AFTPH: variants seen among roughly 807,000 people sequenced by gnomAD.
The protein encoded by AFTPH is aftiphilin.
Under a neutral mutation model 72.5 loss-of-function variants are expected in AFTPH, and 7 were observed. The observed-to-expected ratio is 0.10, with a 90% CI of 0.05 to 0.18. The LOEUF (loss-of-function observed/expected upper bound fraction) is 0.18, where lower values mean the gene tolerates loss of function less well. Among genes scored for constraint, AFTPH ranks in the 10% least tolerant of loss-of-function variants. The probability of loss-of-function intolerance (pLI) is 1.00; values close to 1 mark genes in which losing one functional copy is unlikely to be tolerated. For missense variants in AFTPH, 979 were observed against 1,060.5 expected (o/e 0.92, Z 1.07); for synonymous variants, 337 against 370.1 (o/e 0.91, Z 1.03).
intron 1 of AFTPH, among the ~76,000 whole-genome samples, chr2:64,534,370 A>C (rs1669777203): frequency 6.6e-6 from 1 of 152,098 alleles, no homozygotes. Context: ...TAATATCTTC[A>C]TTCAAAAAAA....
rs763853003 is a variant in AFTPH at position 64,552,268 on chromosome 2, A to G, written c.794A>G (p.Asn265Ser). 35 of 1,613,932 alleles carry G rather than the reference A, an allele frequency of 2.2e-5. No homozygotes were observed. In the South Asian group the frequency reaches 2.7e-4, roughly 13 times the overall value. The change falls in exon 2 of 9, where the codon AAT becomes AGT. Residue 265 changes from asparagine (N) to serine (S), a missense_variant. By Grantham distance (46) the Asn-to-Ser change is conservative. Transcript: ENST00000238856. ...GAAGCACTAACCATTCGGGAAAACAATAAAATTAATAGAGTCAATGAACTG... is the reference window on the plus strand; with the variant it reads ...GAAGCACTAACCATTCGGGAAAACAGTAAAATTAATAGAGTCAATGAACTG...
At chr2:64,536,424 G>C (rs1420071566) in intron 1 of AFTPH, among the ~76,000 whole-genome samples, 2 of 151,804 alleles carry the variant, frequency 1.3e-5, no homozygotes, top group African/African-American at 4.8e-5. Context: ...AAATTAGATG[G>C]GCATGGTAGC....
chr2:64,585,373 G>A (rs780814030), intron 7 of AFTPH, 49 bp from the exon 9 acceptor site: 1 of 1,609,002 alleles, frequency 6.2e-7, no homozygotes, highest in Non-Finnish European at 8.5e-7. Flanking sequence ...TGGCTAACTG[G>A]GTAACCCATT....
At chr2:64,589,957 G>A (rs1416607920) in intron 8 of AFTPH, among the ~76,000 whole-genome samples, 2 of 95,836 alleles carry the variant, frequency 2.1e-5, no homozygotes, top group Non-Finnish European at 4.3e-5. Context: ...GGGGGGGGGG[G>A]GGGTTTCCAC....
chr2:64,559,316 A>G (rs1671575150), intron 2 of AFTPH, among the ~76,000 whole-genome samples: 1 of 152,098 alleles, frequency 6.6e-6, no homozygotes, highest in African/African-American at 2.4e-5. Context: ...GTAGAAGTGG[A>G]GGTAGTAGAG....
At chr2:64,538,320 CT>C (rs1196941320) in intron 1 of AFTPH, among the ~76,000 whole-genome samples, 1 of 152,100 alleles carries the variant, frequency 6.6e-6, no homozygotes, top group East Asian at 1.9e-4. Context: ...AAAAGTAAAA[CT>C]TTAAACCAAG....
chr2:64,543,571 T>C (rs1670386235), intron 1 of AFTPH, among the ~76,000 whole-genome samples: 1 of 152,046 alleles, frequency 6.6e-6, no homozygotes, highest in Non-Finnish European at 1.5e-5. Flanking sequence ...GAATCAGATA[T>C]TTTTTTTCCT....
chr2:64,582,145 T>TAGAG (rs1673244790), intron 7 of AFTPH, among the ~76,000 whole-genome samples: 1 of 152,078 alleles, frequency 6.6e-6, no homozygotes, highest in African/African-American at 2.4e-5. Context: ...TGGGGTGCCG[T>TAGAG]AGAGATGCCC....
intron 6 of AFTPH, among the ~76,000 whole-genome samples, chr2:64,575,100 G>A (rs1382030324): frequency 6.8e-6 from 1 of 147,576 alleles, no homozygotes; most frequent in Non-Finnish European, 1.5e-5. Context: ...ATTGCTTATT[G>A]TATCAGTTAG....
At chr2:64,566,925 A>G (rs1425372410) in intron 2 of AFTPH, among the ~76,000 whole-genome samples, 2 of 152,224 alleles carry the variant, frequency 1.3e-5, no homozygotes, top group Non-Finnish European at 2.9e-5. Context: ...TTTCTAAAAG[A>G]TAATGCATAT....
At chr2:64,550,730 C>CACACACAA (rs1299044267) in intron 1 of AFTPH, among the ~76,000 whole-genome samples, 1 of 140,262 alleles carries the variant, frequency 7.1e-6, no homozygotes, top group Admixed American at 7.0e-5. Flanking sequence ...CACACACACA[C>CACACACAA]AACTGGTGAA....
chr2:64,524,479 C>T (rs1669125018), exon 1 of AFTPH: 2 of 401,142 alleles, frequency 5.0e-6, no homozygotes, highest in Non-Finnish European at 8.8e-6. Flanking sequence ...GGTGCTGCTG[C>T]GCTGACAGGG....
chr2:64,591,781 C>G (rs1673840018), intron 8 of AFTPH, 107 bp from the exon 10 acceptor site: 1 of 1,231,236 alleles, frequency 8.1e-7, no homozygotes, highest in Non-Finnish European at 1.1e-6. Flanking sequence ...AAAAAATACT[C>G]AAGTCCCCAC....
chr2:64,552,747 A>G lies in AFTPH; in HGVS notation c.1273A>G (p.Asn425Asp), dbSNP rs773507313. The G allele has an allele frequency of 3.1e-6, 5 of 1,614,080 alleles. No individual in the cohort carries two copies. The African/African-American group carries it at 4.0e-5, about 13-fold the overall frequency. Residue 425 changes from asparagine to aspartate, a missense_variant, in exon 2 of 9, where the codon AAT becomes GAT. Physicochemically the swap from Asn to Asp is conservative, Grantham distance 23. Around this residue, in one of 3 missense-constraint regions of AFTPH, gnomAD observed 498 missense variants for 467.6 expected, o/e 1.06. Transcript: ENST00000238856. Reference sequence around the variant, plus strand: ...TAGTAGTAATGACTTTGTGACTTGCAATGATATCAATGAAGATGATTTTGG... The same window carrying G: ...TAGTAGTAATGACTTTGTGACTTGCGATGATATCAATGAAGATGATTTTGG...
chr2:64,555,226 TTA>T (rs1671282330), intron 2 of AFTPH, among the ~76,000 whole-genome samples: 1 of 152,148 alleles, frequency 6.6e-6, no homozygotes, highest in South Asian at 2.1e-4. Context: ...ATTCTTTTTT[TTA>T]TAAAAATAAA....
At chr2:64,536,149 C>T (rs1669872270) in intron 1 of AFTPH, among the ~76,000 whole-genome samples, 1 of 152,024 alleles carries the variant, frequency 6.6e-6, no homozygotes, top group African/African-American at 2.4e-5. Flanking sequence ...TCTGAGACAT[C>T]CAGGTAGAGA....
chr2:64,524,389 C>G (rs948095657), exon 1 of AFTPH: 2 of 400,216 alleles, frequency 5.0e-6, no homozygotes, highest in Admixed American at 8.8e-5. Flanking sequence ...GTGGAGGAGG[C>G]GGCGGCGGCG....
intron 1 of AFTPH, among the ~76,000 whole-genome samples, chr2:64,533,829 C>A (rs1035322474): frequency 2.6e-5 from 4 of 152,048 alleles, no homozygotes; most frequent in Non-Finnish European, 5.9e-5. Flanking sequence ...CTAACAGATT[C>A]AATTTTTATG....
exon 9 of AFTPH, chr2:64,592,116 A>T (rs1433773170): frequency 2.0e-5 from 7 of 349,324 alleles, no homozygotes; most frequent in Admixed American, 1.7e-4. Context: ...TGCTCTAATT[A>T]AAAAAAAAAA....
Sources: allele counts gnomAD v4.1 joint callset (sites outside exome capture counted in the v4.1 genomes callset), GRCh38; gene constraint gnomAD v4.1.1; regional missense constraint gnomAD v4.1.1; transcripts MANE v1.5; gene names NCBI Gene and HGNC (gene_info 2026-07-23, HGNC 2026-07-21).